The following SUGCT variants were observed in gnomAD, a reference collection of about 807,000 sequenced individuals.
SUGCT encodes succinyl-CoA:glutarate-CoA transferase.
Under a neutral mutation model 55.0 loss-of-function variants are expected in SUGCT, and 41 were observed. The ratio of observed to expected loss-of-function variants is 0.74; its 90% CI spans 0.58 to 0.97. SUGCT has a LOEUF of 0.97. Among genes scored for constraint, SUGCT ranks in the 50% least tolerant of loss-of-function variants. The pLI is 0.00. For missense variants in SUGCT, 568 were observed against 547.8 expected (o/e 1.04, Z -0.37); for synonymous variants, 187 against 200.4 (o/e 0.93, Z 0.56).
intron 13 of SUGCT, among the ~76,000 whole-genome samples, chr7:40,848,064 T>G (rs944260675): frequency 2.0e-5 from 3 of 152,196 alleles, no homozygotes; most frequent in African/African-American, 7.2e-5. Flanking sequence ...AGGCCTGCAA[T>G]GTAAGTCTAG....
At chr7:40,384,330 T>A (rs1785009902) in intron 9 of SUGCT, among the ~76,000 whole-genome samples, 1 of 152,162 alleles carries the variant, frequency 6.6e-6, no homozygotes, top group Admixed American at 6.5e-5. Flanking sequence ...GATGAAAGCC[T>A]GGTGTGAGAC....
rs368610745 is a variant in SUGCT, at chr7:40,288,484, G to T, written c.720+13828G>T. ...CTTGCCGGTCTTATTAAAATTCAGG[G>T]TTTTTTTTTCTTGGATAAAAACTCA... On this transcript the variant is annotated intron_variant, in intron 8 of 13. Coordinates refer to ENST00000335693, the MANE Select transcript of SUGCT (RefSeq NM_001193313.2). Among the ~76,000 whole-genome samples, 13 of 150,948 alleles carry T rather than the reference G, an allele frequency of 8.6e-5. No homozygotes were observed. The South Asian group carries it at 2.1e-3, about 24-fold the overall frequency.
the SUGCT span, among the ~76,000 whole-genome samples, chr7:40,883,870 A>C: frequency 0.52 from 78,288 of 151,980 alleles, 20,978 homozygotes; most frequent in East Asian, 0.9. Flanking sequence ...ACTGAACTGG[A>C]TCCCCACTGT....
intron 1 of SUGCT, among the ~76,000 whole-genome samples, chr7:40,159,040 T>G (rs1213059330): frequency 6.6e-6 from 1 of 152,146 alleles, no homozygotes; most frequent in East Asian, 1.9e-4. Context: ...CTCAGCCTGC[T>G]GAGTAGCTGG....
chr7:40,478,177 A>AT (rs1269037050), intron 11 of SUGCT, among the ~76,000 whole-genome samples: 7 of 151,144 alleles, frequency 4.6e-5, no homozygotes, highest in Admixed American at 1.3e-4. Flanking sequence ...AATTTTTTAA[A>AT]TTTTTTTTTC....
intron 12 of SUGCT, among the ~76,000 whole-genome samples, chr7:40,595,914 C>T (rs1797988930): frequency 6.6e-6 from 1 of 152,168 alleles, no homozygotes; most frequent in African/African-American, 2.4e-5. Context: ...GGTACCTTTT[C>T]CCTCTGCAGC....
chr7:40,557,784 A>AG (rs1216014378), intron 12 of SUGCT, among the ~76,000 whole-genome samples: 1 of 151,654 alleles, frequency 6.6e-6, no homozygotes, highest in East Asian at 1.9e-4. Flanking sequence ...AAAAAAAAAA[A>AG]AAGAAAAAAG....
the SUGCT span, among the ~76,000 whole-genome samples, chr7:40,880,283 AT>A: frequency 6.6e-6 from 1 of 152,142 alleles, no homozygotes; most frequent in Admixed American, 6.6e-5. Context: ...TTAGTTATTT[AT>A]TTATTCAGGC....
chr7:40,432,739 C>T (rs1412345113), intron 9 of SUGCT, among the ~76,000 whole-genome samples: 1 of 145,826 alleles, frequency 6.9e-6, no homozygotes, highest in African/African-American at 2.5e-5. Flanking sequence ...TTGTCTTGGT[C>T]TTTGGACAAT....
At chr7:40,208,118 A>C (rs1434026786) in intron 6 of SUGCT, among the ~76,000 whole-genome samples, 1 of 152,172 alleles carries the variant, frequency 6.6e-6, no homozygotes, top group East Asian at 1.9e-4. Flanking sequence ...TACTTATATG[A>C]GATTCCTAGA....
chr7:40,848,348 C>G (rs1419981276), intron 13 of SUGCT, among the ~76,000 whole-genome samples: 1 of 152,258 alleles, frequency 6.6e-6, no homozygotes, highest in Admixed American at 6.5e-5. Flanking sequence ...TTTCTCTCCC[C>G]CTTAAGGAAA....
At chr7:40,771,575 AT>A (rs1789108719) in intron 13 of SUGCT, among the ~76,000 whole-genome samples, 1 of 152,190 alleles carries the variant, frequency 6.6e-6, no homozygotes, top group Admixed American at 6.5e-5. Flanking sequence ...TGTAAGATTA[AT>A]TCAAGATTCG....
intron 11 of SUGCT, among the ~76,000 whole-genome samples, chr7:40,476,981 A>G (rs1375723189): frequency 6.6e-6 from 1 of 152,126 alleles, no homozygotes; most frequent in Non-Finnish European, 1.5e-5. Context: ...GCCCAGCCAA[A>G]TGTCGGCTTT....
intron 13 of SUGCT, among the ~76,000 whole-genome samples, chr7:40,761,603 G>C (rs1037361116): frequency 1.3e-5 from 2 of 152,314 alleles, no homozygotes; most frequent in African/African-American, 4.8e-5. Flanking sequence ...AGCATTGATA[G>C]TCTGAAATGT....
Position 40,636,290 on chromosome 7 carries a change from G to C in SUGCT, c.1090-113144G>C, listed in dbSNP as rs187758965. Among the ~76,000 whole-genome samples the C allele has an allele frequency of 2.0e-5, 3 of 152,268 alleles. No homozygotes were observed. The East Asian group carries it at 5.8e-4, about 29-fold the overall frequency. On this transcript the variant is annotated intron_variant, in intron 12 of 13. Coordinates refer to ENST00000335693, the MANE Select transcript of SUGCT (RefSeq NM_001193313.2). The stretch of plus-strand genomic sequence containing the variant: ...CTGGCTGTTGACTGGGTCTTCAGCT[G>C]AGGCTGTGGCCAGAACCCCCTTGAC...
chr7:40,331,395 T>A (rs1006060631), intron 9 of SUGCT, among the ~76,000 whole-genome samples: 1 of 152,192 alleles, frequency 6.6e-6, no homozygotes, highest in Non-Finnish European at 1.5e-5. Flanking sequence ...ATGCATGAGC[T>A]TTGGAGTCAG....
rs115748639 is a variant in SUGCT, at chr7:40,732,530, A to T, written c.1090-16904A>T. 4.4e-3 allele frequency among the ~76,000 whole-genome samples: 675 copies of T among 152,308 alleles called. 5 individuals are homozygous for T. The highest frequency in any genetic ancestry group is 0.015 in the African/African-American group (619 of 41,566). ...GCAAAGTAAGGTGGGCATCGGACAT[A>T]GGGTTCAACTTCAAGGAAAGTCTTT... On this transcript the variant is annotated intron_variant, in intron 12 of 13. Transcript: ENST00000335693.
the SUGCT span, among the ~76,000 whole-genome samples, chr7:40,933,922 G>A: frequency 2.0e-5 from 3 of 152,074 alleles, no homozygotes; most frequent in African/African-American, 7.2e-5. Context: ...CCGACCTTCC[G>A]AAGCCTACTT....
intron 8 of SUGCT, among the ~76,000 whole-genome samples, chr7:40,276,253 A>T (rs1792470801): frequency 6.6e-6 from 1 of 152,182 alleles, no homozygotes; most frequent in Non-Finnish European, 1.5e-5. Context: ...AGAACTACAG[A>T]TGTTAGTTAT....
Sources: allele counts gnomAD v4.1 joint callset (sites outside exome capture counted in the v4.1 genomes callset), GRCh38; gene constraint gnomAD v4.1.1; transcripts MANE v1.5; gene names NCBI Gene and HGNC (gene_info 2026-07-23, HGNC 2026-07-21).